The following NMT2 variants were observed in gnomAD, a reference collection of about 807,000 sequenced individuals.
NMT2 encodes N-myristoyltransferase 2.
Under a neutral mutation model 65.4 loss-of-function variants are expected in NMT2, and 35 were observed. The observed-to-expected ratio is 0.54, with a 90% CI of 0.41 to 0.71. The LOEUF (loss-of-function observed/expected upper bound fraction) is 0.71. Ranked by LOEUF, NMT2 falls within the 30% of genes least tolerant of loss-of-function variation. The pLI, the probability that NMT2 is intolerant of heterozygous loss-of-function variation, is 0.00. For synonymous variants in NMT2, 226 were observed against 231.8 expected (o/e 0.98, Z 0.23); for missense variants, 489 against 611.3 (o/e 0.80, Z 2.11).
At chr10:15,138,227 T>G (rs1162508883) in intron 2 of NMT2, among the ~76,000 whole-genome samples, 1 of 152,126 alleles carries the variant, frequency 6.6e-6, no homozygotes, top group African/African-American at 2.4e-5. Context: ...GCCAGCCTGG[T>G]CTTGAACTCC....
rs374375102 is a variant in NMT2, at chr10:15,161,420, C to T, written c.110+7083G>A. ...AGGCTGGAGTGCAATGGTGCAATCT[C>T]GACTCACTGCAACCTCCACCTCCTG... On this transcript the variant is annotated intron_variant, in intron 1 of 11. Coordinates refer to ENST00000378165, the MANE Select transcript of NMT2 (RefSeq NM_004808.3). Among the ~76,000 whole-genome samples, 3 of 152,218 alleles carry T rather than the reference C, an allele frequency of 2.0e-5. No individual in the cohort carries two copies. The South Asian group carries it at 6.2e-4, about 32-fold the overall frequency.
chr10:15,109,887 T>C (rs1201652517), intron 10 of NMT2, 48 bp from the exon 11 acceptor site: 3 of 1,478,308 alleles, frequency 2.0e-6, no homozygotes, highest in Non-Finnish European at 1.9e-6. Context: ...GACTAGTGTT[T>C]TCTGTATTAC....
At position 15,153,657 on chromosome 10, in the gene NMT2, T is replaced by A. The variant is rs112116967; in HGVS notation, c.111-12100A>T. Among the ~76,000 whole-genome samples, 310 of 151,140 alleles carry A rather than the reference T, an allele frequency of 2.1e-3. 1 individual carries two copies. Among genetic ancestry groups the A allele is most frequent in the African/African-American group, 7.3e-3 (295 of 40,502 alleles). ...TGTTTTGTTTTATTTTATTTTATTT[T>A]ATTTTTTTTTTGAGACAGAGTCTCG... On this transcript the variant is annotated intron_variant, in intron 1 of 11. Transcript: ENST00000378165.
At chr10:15,134,774 A>T (rs1407577522) in intron 3 of NMT2, among the ~76,000 whole-genome samples, 1 of 152,184 alleles carries the variant, frequency 6.6e-6, no homozygotes, top group Non-Finnish European at 1.5e-5. Flanking sequence ...TGAGCCCAGG[A>T]GTTCGAGACC....
chr10:15,153,864 A>G lies in NMT2; in HGVS notation c.111-12307T>C, dbSNP rs112853184. ...GAGACGGGGTTTCACTGTGTTAGCCAGGATGGTCTCGATCTCCTGATCTCG... is the reference window on the plus strand; with the variant it reads ...GAGACGGGGTTTCACTGTGTTAGCCGGGATGGTCTCGATCTCCTGATCTCG... On this transcript the variant is annotated intron_variant, in intron 1 of 11. Coordinates refer to ENST00000378165, the MANE Select transcript of NMT2 (RefSeq NM_004808.3). Among the ~76,000 whole-genome samples the G allele has an allele frequency of 5.7e-3, 866 of 152,136 alleles. 4 individuals carry two copies. The highest frequency in any genetic ancestry group is 9.8e-3 in the Non-Finnish European group (669 of 67,992).
At chr10:15,153,826 T>G (rs1352627877) in intron 1 of NMT2, among the ~76,000 whole-genome samples, 1 of 151,860 alleles carries the variant, frequency 6.6e-6, no homozygotes, top group Non-Finnish European at 1.5e-5. Context: ...ATTTTTTTTT[T>G]GTATTTTTAG....
intron 1 of NMT2, among the ~76,000 whole-genome samples, chr10:15,160,110 G>A (rs561066217): frequency 1.3e-5 from 2 of 152,320 alleles, no homozygotes; most frequent in Admixed American, 1.3e-4. Context: ...AGAAAGGCGT[G>A]AGCAGTAACA....
chr10:15,142,401 GA>G (rs60925661), intron 1 of NMT2, among the ~76,000 whole-genome samples: 12,053 of 147,732 alleles, frequency 0.082, 504 homozygotes, highest in East Asian at 0.11. Context: ...CTACCAAAAG[GA>G]AAAAAAAAAA....
At chr10:15,150,702 C>T (rs573552995) in intron 1 of NMT2, among the ~76,000 whole-genome samples, 1 of 152,194 alleles carries the variant, frequency 6.6e-6, no homozygotes, top group East Asian at 1.9e-4. Flanking sequence ...AAAGATCCAT[C>T]AAGCAGGCAG....
chr10:15,144,425 A>C (rs1334164326), intron 1 of NMT2, among the ~76,000 whole-genome samples: 1 of 152,100 alleles, frequency 6.6e-6, no homozygotes, highest in Non-Finnish European at 1.5e-5. Context: ...CCATGAGGAT[A>C]ATTATAATCA....
intron 2 of NMT2, among the ~76,000 whole-genome samples, chr10:15,137,892 C>A (rs1589329223): frequency 6.6e-6 from 1 of 152,122 alleles, no homozygotes; most frequent in Non-Finnish European, 1.5e-5. Context: ...TGATTTATTC[C>A]CTACCTAATT....
intron 8 of NMT2, among the ~76,000 whole-genome samples, chr10:15,127,241 T>A (rs12360017): frequency 0.038 from 4,800 of 127,234 alleles, 83 homozygotes; most frequent in Middle Eastern, 0.062. Context: ...TCTCAAAAAA[T>A]AAAAAAATAA....
chr10:15,159,174 T>C (rs572361342), intron 1 of NMT2, among the ~76,000 whole-genome samples: 1 of 152,298 alleles, frequency 6.6e-6, no homozygotes, highest in South Asian at 2.1e-4. Context: ...GGATAATCCC[T>C]TTCTTGGCCA....
At chr10:15,144,838 GA>G (rs1846908056) in intron 1 of NMT2, among the ~76,000 whole-genome samples, 1 of 152,134 alleles carries the variant, frequency 6.6e-6, no homozygotes, top group African/African-American at 2.4e-5. Flanking sequence ...AAAAACAGCT[GA>G]CAGTTCCTCA....
intron 2 of NMT2, among the ~76,000 whole-genome samples, chr10:15,135,928 GAGAA>G (rs774096997): frequency 2.4e-4 from 36 of 151,406 alleles, no homozygotes; most frequent in Non-Finnish European, 7.4e-5. Flanking sequence ...GAAAGAGAGA[GAGAA>G]AGAAAGAGAG....
Position 15,108,622 on chromosome 10 carries a change from C to A in NMT2, c.*573G>T, listed in dbSNP as rs1406318006. The A allele has an allele frequency of 2.0e-6, 2 of 986,740 alleles. No individual in the cohort carries two copies. Among genetic ancestry groups the A allele is most frequent in the South Asian group, 4.7e-5 (1 of 21,386 alleles). 61.1% of individuals were successfully genotyped at this position (986,740 alleles called of 1,614,324 possible). ...CTCTGCTTATGGAGAAATACATGTACTAGTCACCAGTACATTTTAATATTG... is the reference window on the plus strand; with the variant it reads ...CTCTGCTTATGGAGAAATACATGTAATAGTCACCAGTACATTTTAATATTG... On this transcript the variant is annotated 3_prime_UTR_variant, in exon 12 of 12. Coordinates refer to ENST00000378165, the MANE Select transcript of NMT2 (RefSeq NM_004808.3).
chr10:15,143,562 T>C (rs1334059961), intron 1 of NMT2, among the ~76,000 whole-genome samples: 1 of 152,204 alleles, frequency 6.6e-6, no homozygotes, highest in African/African-American at 2.4e-5. Flanking sequence ...GAGTGTCAGT[T>C]AGTAATTTGC....
chr10:15,137,483 C>G (rs1238439213), intron 2 of NMT2, among the ~76,000 whole-genome samples: 1 of 151,784 alleles, frequency 6.6e-6, no homozygotes, highest in African/African-American at 2.4e-5. Flanking sequence ...CTTTTAAGTC[C>G]CCAACATTAA....
chr10:15,144,400 T>G (rs1322800605), intron 1 of NMT2, among the ~76,000 whole-genome samples: 1 of 152,114 alleles, frequency 6.6e-6, no homozygotes, highest in African/African-American at 2.4e-5. Flanking sequence ...AGCTGACCAG[T>G]GCACCGCTTG....
Sources: allele counts gnomAD v4.1 joint callset (sites outside exome capture counted in the v4.1 genomes callset), GRCh38; gene constraint gnomAD v4.1.1; transcripts MANE v1.5; gene names NCBI Gene and HGNC (gene_info 2026-07-23, HGNC 2026-07-21).